Variants in ASIC2 observed in about 807,000 individuals in gnomAD.
The protein encoded by ASIC2 is acid-sensing ion channel 2.
Under a neutral mutation model 57.3 loss-of-function variants are expected in ASIC2, and 25 were observed. That is an observed-to-expected ratio of 0.44 (90% CI 0.32 to 0.61). ASIC2 has a LOEUF of 0.61. ASIC2 is among the 20% of genes least tolerant of loss of function. ASIC2 has a pLI of 0.06. For missense variants in ASIC2, 641 were observed against 738.1 expected (o/e 0.87, Z 1.52); for synonymous variants, 319 against 307.5 (o/e 1.04, Z -0.39).
chr17:34,088,256 A>G (rs994086836), intron 1 of ASIC2, among the ~76,000 whole-genome samples: 20 of 152,242 alleles, frequency 1.3e-4, no homozygotes, highest in African/African-American at 4.6e-4. Context: ...TTTTCCTTCT[A>G]ACAGACAGGA....
intron 3 of ASIC2, among the ~76,000 whole-genome samples, chr17:33,061,401 C>T (rs2092020039): frequency 6.6e-6 from 1 of 152,158 alleles, no homozygotes; most frequent in Admixed American, 6.5e-5. Flanking sequence ...AAGGCCTTTC[C>T]TGCATCTATT....
At chr17:33,312,124 C>T (rs563921877) in intron 1 of ASIC2, among the ~76,000 whole-genome samples, 1 of 152,262 alleles carries the variant, frequency 6.6e-6, no homozygotes, top group East Asian at 1.9e-4. Context: ...TGCTTTGTCT[C>T]CTTATCTTTA....
At chr17:33,224,759 G>A (rs567173622) in intron 1 of ASIC2, among the ~76,000 whole-genome samples, 13 of 152,300 alleles carry the variant, frequency 8.5e-5, no homozygotes, top group African/African-American at 3.1e-4. Context: ...GGCAGCTGGG[G>A]TTGCAGAAGA....
intron 1 of ASIC2, among the ~76,000 whole-genome samples, chr17:33,725,784 G>C (rs1909536598): frequency 1.4e-5 from 2 of 139,680 alleles, no homozygotes; most frequent in Admixed American, 1.5e-4. Context: ...TGGCGACCTC[G>C]CCCCACTCTG....
In ASIC2 at chr17:33,291,871, G is replaced by C; in HGVS notation, c.245C>G (p.Ser82Cys). Residue 82 changes from serine (S) to cysteine (C), a missense_variant, in exon 1 of 10, where the codon TCC (serine) becomes TGC (cysteine). Coordinates refer to ENST00000225823, the MANE Select transcript of ASIC2 (RefSeq NM_183377.2). ...MCAGRTAAGG[S>C]FQRRALWVLA... ...CACCCACAGCGCCCGCCGCTGGAAG[G>C]AGCCCCCAGCCGCCGTGCGCCCGGC... 1.2e-6 allele frequency: 2 copies of C among 1,608,156 alleles called. No homozygotes were observed. The highest frequency in any genetic ancestry group is 1.7e-6 in the Non-Finnish European group (2 of 1,179,370).
intron 1 of ASIC2, among the ~76,000 whole-genome samples, chr17:33,449,119 C>T (rs1912149986): frequency 6.6e-6 from 1 of 152,170 alleles, no homozygotes; most frequent in South Asian, 2.1e-4. Context: ...TCTCCTCCAT[C>T]CTGCCTGGCC....
At chr17:33,393,257 C>T (rs1452930471) in intron 1 of ASIC2, among the ~76,000 whole-genome samples, 2 of 152,196 alleles carry the variant, frequency 1.3e-5, no homozygotes, top group Non-Finnish European at 2.9e-5. Flanking sequence ...TTATCCCACC[C>T]TCCAGTCTCA....
intron 1 of ASIC2, among the ~76,000 whole-genome samples, chr17:33,633,322 G>T (rs1906236405): frequency 6.6e-6 from 1 of 152,176 alleles, no homozygotes; most frequent in South Asian, 2.1e-4. Flanking sequence ...TGCTTCTCTG[G>T]GCAGCCCTGA....
intron 1 of ASIC2, among the ~76,000 whole-genome samples, chr17:33,813,647 A>G (rs1207254399): frequency 2.0e-5 from 3 of 152,302 alleles, no homozygotes; most frequent in South Asian, 4.2e-4. Context: ...CGTGTTAGCC[A>G]GGATGGTCTC....
chr17:33,709,142 T>G (rs527843243), intron 1 of ASIC2, among the ~76,000 whole-genome samples: 7 of 152,314 alleles, frequency 4.6e-5, no homozygotes, highest in African/African-American at 1.7e-4. Context: ...TTGCCTTAAG[T>G]CATAACTCTG....
intron 1 of ASIC2, among the ~76,000 whole-genome samples, chr17:34,107,382 G>A (rs191479021): frequency 7.6e-4 from 116 of 152,148 alleles, no homozygotes; most frequent in Non-Finnish European, 1.4e-3. Flanking sequence ...GGTGGTGATC[G>A]CCTATAGTCC....
chr17:33,793,695 C>T (rs185473350), intron 1 of ASIC2: 2 of 152,322 alleles, frequency 1.3e-5, no homozygotes, highest in East Asian at 1.9e-4. Context: ...TACCATGTGC[C>T]TGTTTCTCAA....
chr17:33,255,583 A>AG (rs1208306076), intron 1 of ASIC2, among the ~76,000 whole-genome samples: 1 of 90,626 alleles, frequency 1.1e-5, no homozygotes, highest in African/African-American at 4.4e-5. Flanking sequence ...CATCAAGAGG[A>AG]GGGGGGATCG....
At chr17:33,730,956 C>A (rs1909720889) in intron 1 of ASIC2, among the ~76,000 whole-genome samples, 1 of 152,162 alleles carries the variant, frequency 6.6e-6, no homozygotes. Context: ...AGGGCAGGTT[C>A]CTGGATCTTG....
intron 1 of ASIC2, among the ~76,000 whole-genome samples, chr17:33,224,067 G>A (rs1198152677): frequency 6.6e-6 from 1 of 152,202 alleles, no homozygotes. Context: ...TCTCATTGTG[G>A]ACTACATGAG....
Position 33,312,816 on chromosome 17 carries a change from A to G in ASIC2, c.556-200749T>C, listed in dbSNP as rs148122006. ...CCAGGCATGGTGGCGCATGCCTGTA[A>G]TCCTGGCTCTTCGGGAAGCCGAGGC... On this transcript the variant is annotated intron_variant, in intron 1 of 9. Transcript: ENST00000359872. Among the ~76,000 whole-genome samples, 649 of 152,044 alleles carry G rather than the reference A, an allele frequency of 4.3e-3. 6 individuals carry two copies. Among genetic ancestry groups the G allele is most frequent in the African/African-American group, 0.015 (611 of 41,494 alleles).
chr17:33,130,062 G>A (rs373667983), intron 1 of ASIC2, among the ~76,000 whole-genome samples: 5 of 152,042 alleles, frequency 3.3e-5, no homozygotes, highest in South Asian at 2.1e-4. Flanking sequence ...AACTCTCTCC[G>A]TATGTAAGCC....
At chr17:33,844,046 G>A (rs1177128448) in intron 1 of ASIC2, among the ~76,000 whole-genome samples, 1 of 152,112 alleles carries the variant, frequency 6.6e-6, no homozygotes, top group Non-Finnish European at 1.5e-5. Context: ...TAAAAAATCA[G>A]CACAAAGATG....
At chr17:33,900,660 A>C (rs1020589584) in intron 1 of ASIC2, among the ~76,000 whole-genome samples, 4 of 152,222 alleles carry the variant, frequency 2.6e-5, no homozygotes, top group African/African-American at 9.6e-5. Context: ...TTTTCTTACC[A>C]AAGTGCAATA....
Sources: allele counts gnomAD v4.1 joint callset (sites outside exome capture counted in the v4.1 genomes callset), GRCh38; gene constraint gnomAD v4.1.1; transcripts MANE v1.5; gene names NCBI Gene and HGNC (gene_info 2026-07-23, HGNC 2026-07-21).